RHOBTB1: variants seen among roughly 807,000 people sequenced by gnomAD.
RHOBTB1 encodes rho-related BTB domain-containing protein 1.
Under a neutral mutation model 71.6 loss-of-function variants are expected in RHOBTB1, and 40 were observed. That is an observed-to-expected ratio of 0.56 (90% confidence interval 0.43 to 0.73). The LOEUF is 0.73. Among genes scored for constraint, RHOBTB1 ranks in the 30% least tolerant of loss-of-function variants. The probability of loss-of-function intolerance (pLI) is 0.00; values close to 1 mark genes in which losing one functional copy is unlikely to be tolerated. For synonymous variants in RHOBTB1, 319 were observed against 334.9 expected, an observed-to-expected ratio of 0.95 and a Z score of 0.52; for missense variants, 797 against 894.0, an observed-to-expected ratio of 0.89 and a Z score of 1.38.
chr10:60,933,848 G>A (rs1338456025), intron 2 of RHOBTB1, among the ~76,000 whole-genome samples: 1 of 151,756 alleles, frequency 6.6e-6, no homozygotes, highest in Non-Finnish European at 1.5e-5. Context: ...TTGTTATATT[G>A]AGATGTTCAT....
intron 2 of RHOBTB1, among the ~76,000 whole-genome samples, chr10:60,931,010 C>T (rs1486842837): frequency 6.7e-6 from 1 of 148,200 alleles, no homozygotes; most frequent in East Asian, 2.0e-4. Context: ...TGAAGTCTTC[C>T]CTCTGCAACA....
intron 2 of RHOBTB1, among the ~76,000 whole-genome samples, chr10:60,979,923 A>G (rs1295759574): frequency 6.6e-6 from 1 of 152,190 alleles, no homozygotes. Flanking sequence ...TGAAAAGGTC[A>G]TAAGGCAGAA....
At chr10:60,905,815 T>G (rs1313034892) in intron 4 of RHOBTB1, among the ~76,000 whole-genome samples, 2 of 152,136 alleles carry the variant, frequency 1.3e-5, no homozygotes, top group Non-Finnish European at 2.9e-5. Flanking sequence ...CTCAAAATGC[T>G]GTATCTAGAC....
intron 5 of RHOBTB1, among the ~76,000 whole-genome samples, chr10:60,892,339 G>A (rs187162754): frequency 6.6e-6 from 1 of 152,270 alleles, no homozygotes; most frequent in East Asian, 1.9e-4. Context: ...GTCATCTTGA[G>A]AATGAAATAC....
rs559264285 is a variant in RHOBTB1, at chr10:60,876,347, ACTAAG to A, written c.1727-1310_1727-1306del. 1.0e-3 allele frequency among the ~76,000 whole-genome samples: 154 copies of A among 152,306 alleles called. 1 individual carries two copies. The highest frequency in any genetic ancestry group is 3.5e-3 in the African/African-American group (147 of 41,570). Reference sequence around the variant, plus strand: ...AGTAATAATAGCATTTAATAACTAAACTAAGTGTTCATAGAAGTCTAGAGTTCACA... The same window carrying A: ...AGTAATAATAGCATTTAATAACTAAATGTTCATAGAAGTCTAGAGTTCACA... On this transcript the variant is annotated intron_variant, in intron 8 of 10. Transcript: ENST00000337910.
chr10:60,909,915 G>A (rs2082880615), intron 4 of RHOBTB1, among the ~76,000 whole-genome samples: 1 of 152,084 alleles, frequency 6.6e-6, no homozygotes, highest in African/African-American at 2.4e-5. Flanking sequence ...ATTATTTTAG[G>A]CCACTTAGAT....
At chr10:60,919,074 G>A (rs1351127640) in intron 2 of RHOBTB1, among the ~76,000 whole-genome samples, 2 of 152,168 alleles carry the variant, frequency 1.3e-5, no homozygotes, top group Non-Finnish European at 2.9e-5. Context: ...TCAAGGCATG[G>A]TGAGCAGTCT....
At chr10:60,910,281 G>A (rs1298999187) in intron 4 of RHOBTB1, among the ~76,000 whole-genome samples, 2 of 152,124 alleles carry the variant, frequency 1.3e-5, no homozygotes. Context: ...CCATATTAAT[G>A]TCCTTCTAGA....
chr10:60,915,164 A>G (rs1289145239), intron 2 of RHOBTB1, among the ~76,000 whole-genome samples: 1 of 152,230 alleles, frequency 6.6e-6, no homozygotes, highest in Non-Finnish European at 1.5e-5. Flanking sequence ...ATAAAGAAAC[A>G]TTAAATTATG....
At chr10:60,927,706 A>C (rs771887268) in intron 2 of RHOBTB1, among the ~76,000 whole-genome samples, 4 of 152,210 alleles carry the variant, frequency 2.6e-5, no homozygotes, top group Non-Finnish European at 1.5e-5. Context: ...TGTATACAAA[A>C]ATTAAATCAA....
intron 5 of RHOBTB1, among the ~76,000 whole-genome samples, chr10:60,892,413 G>GGGCCC (rs2081966983): frequency 6.6e-6 from 1 of 152,158 alleles, no homozygotes; most frequent in Non-Finnish European, 1.5e-5. Context: ...GTGTTTGTAT[G>GGGCCC]AATCTGATGT....
the RHOBTB1 span, among the ~76,000 whole-genome samples, chr10:60,862,027 G>T: frequency 6.6e-6 from 1 of 152,028 alleles, no homozygotes; most frequent in Non-Finnish European, 1.5e-5. Flanking sequence ...GTCAGGTCGG[G>T]TTCTACATGG....
chr10:60,909,075 T>C (rs2082833130), intron 4 of RHOBTB1, among the ~76,000 whole-genome samples: 1 of 152,130 alleles, frequency 6.6e-6, no homozygotes, highest in African/African-American at 2.4e-5. Context: ...CTTATTTTTG[T>C]TGGGAGGGAA....
Position 60,928,393 on chromosome 10 carries a change from TACTTACAATA to T in RHOBTB1, c.-11+13401_-11+13410del, listed in dbSNP as rs1258696072. Among the ~76,000 whole-genome samples, 4 of 152,114 alleles carry T rather than the reference TACTTACAATA, an allele frequency of 2.6e-5. No individual in the cohort carries two copies. In the East Asian group the frequency reaches 5.8e-4, roughly 22 times the overall value. On this transcript the variant is annotated intron_variant, in intron 2 of 10. Coordinates refer to ENST00000337910, the MANE Select transcript of RHOBTB1 (RefSeq NM_014836.5). ...TGCATTCCCATGTTTACTGCAGCAC[TACTTACAATA>T]ACCAAGATATGGAATAAACCTGTGT...
chr10:60,985,789 A>C (rs183535388), intron 2 of RHOBTB1: 50 of 152,324 alleles, frequency 3.3e-4, no homozygotes, highest in Middle Eastern at 3.4e-3. Context: ...TTTCTTTGTT[A>C]AATATTGTAA....
At chr10:60,971,941 CTCA>C (rs1369084053) in intron 2 of RHOBTB1, among the ~76,000 whole-genome samples, 1 of 152,114 alleles carries the variant, frequency 6.6e-6, no homozygotes, top group African/African-American at 2.4e-5. Flanking sequence ...TGAAAAAAAG[CTCA>C]TCAACACTGG....
chr10:60,899,820 A>G (rs2082328779), intron 4 of RHOBTB1, among the ~76,000 whole-genome samples: 1 of 152,200 alleles, frequency 6.6e-6, no homozygotes. Flanking sequence ...AATATTAAAA[A>G]TAGGTAGTGC....
At chr10:60,920,798 G>A (rs1055287090) in intron 2 of RHOBTB1, among the ~76,000 whole-genome samples, 12 of 152,016 alleles carry the variant, frequency 7.9e-5, no homozygotes, top group Non-Finnish European at 1.5e-4. Context: ...GGGACTACAG[G>A]CATGTGCCAC....
intron 1 of RHOBTB1, among the ~76,000 whole-genome samples, chr10:60,997,651 A>G (rs956736997): frequency 5.9e-5 from 9 of 152,240 alleles, no homozygotes; most frequent in African/African-American, 2.2e-4. Flanking sequence ...CTGTCCAAGC[A>G]TTTAAATAGA....
Sources: gnomAD v4.1 joint callset for allele counts (sites outside exome capture counted in the v4.1 genomes callset) on GRCh38, gnomAD v4.1.1 for gene constraint, MANE v1.5 for transcripts, NCBI Gene and HGNC (gene_info 2026-07-23, HGNC 2026-07-21) for gene names.